Variants in FAM151B observed in about 807,000 individuals in gnomAD.
FAM151B encodes the protein family with sequence similarity 151 member B.
Under a neutral mutation model 31.2 loss-of-function variants are expected in FAM151B, and 24 were observed. The observed-to-expected ratio is 0.77, with a 90% CI of 0.56 to 1.08. The LOEUF (loss-of-function observed/expected upper bound fraction) is 1.08, where lower values mean the gene tolerates loss of function less well. Ranked by LOEUF, FAM151B falls within the 50% of genes least tolerant of loss-of-function variation. The pLI, the probability that FAM151B is intolerant of heterozygous loss-of-function variation, is 0.00. For synonymous variants in FAM151B, 105 were observed against 111.4 expected (o/e 0.94, Z 0.36); for missense variants, 293 against 328.6 (o/e 0.89, Z 0.84).
intron 1 of FAM151B, 84 bp downstream of exon 1, chr5:80,488,232 C>G: frequency 1.4e-6 from 2 of 1,467,120 alleles, no homozygotes; most frequent in East Asian, 5.2e-5. Flanking sequence ...TGCGGGCTCC[C>G]GCGGTCTTCC....
intron 1 of FAM151B, among the ~76,000 whole-genome samples, chr5:80,497,555 T>C (rs1743591089): frequency 6.6e-6 from 1 of 152,128 alleles, no homozygotes; most frequent in African/African-American, 2.4e-5. Flanking sequence ...CCTTAGATCA[T>C]AGGTAATTGG....
intron 5 of FAM151B, among the ~76,000 whole-genome samples, chr5:80,538,448 C>CTTTCTTTCTCTCTCTCTCTTTCTT (rs1235874356): frequency 2.0e-5 from 1 of 49,348 alleles, no homozygotes; most frequent in Non-Finnish European, 3.7e-5. Context: ...TTCTTTCTTT[C>CTTTCTTTCTCTCTCTCTCTTTCTT]TCTTTCTTTC....
intron 2 of FAM151B, among the ~76,000 whole-genome samples, chr5:80,512,458 A>G (rs1463993936): frequency 6.6e-6 from 1 of 152,082 alleles, no homozygotes; most frequent in Non-Finnish European, 1.5e-5. Flanking sequence ...CCATGTTTTC[A>G]TAGGTTTCTC....
intron 1 of FAM151B, among the ~76,000 whole-genome samples, chr5:80,496,238 C>A (rs903333331): frequency 6.6e-6 from 1 of 152,184 alleles, no homozygotes; most frequent in Non-Finnish European, 1.5e-5. Flanking sequence ...TCACAGCCAC[C>A]ACAGCCTTCA....
At chr5:80,498,056 C>G (rs1240096078) in intron 1 of FAM151B, among the ~76,000 whole-genome samples, 1 of 152,138 alleles carries the variant, frequency 6.6e-6, no homozygotes, top group Non-Finnish European at 1.5e-5. Context: ...TGGTGTATCT[C>G]AAAACCTTCA....
At chr5:80,535,947 A>G (rs549478535) in intron 5 of FAM151B, among the ~76,000 whole-genome samples, 2 of 152,302 alleles carry the variant, frequency 1.3e-5, no homozygotes, top group South Asian at 4.1e-4. Context: ...ACATTTCTTA[A>G]AAAAAGACAT....
chr5:80,490,225 A>T (rs978906371), intron 1 of FAM151B, among the ~76,000 whole-genome samples: 7 of 152,042 alleles, frequency 4.6e-5, no homozygotes, highest in African/African-American at 1.7e-4. Context: ...TATCTCTCCA[A>T]AAGAAAACAA....
At chr5:80,522,189 A>C (rs185788608) in intron 5 of FAM151B, 51 bp downstream of exon 5, 1 of 1,534,260 alleles carries the variant, frequency 6.5e-7, no homozygotes, top group East Asian at 2.3e-5. Flanking sequence ...AGAGACAGAG[A>C]TAGAAAGGGC....
chr5:80,489,500 C>T (rs998201579), intron 1 of FAM151B, among the ~76,000 whole-genome samples: 3 of 152,232 alleles, frequency 2.0e-5, no homozygotes, highest in Non-Finnish European at 4.4e-5. Flanking sequence ...TCAAGACTTA[C>T]ACCATTCTCA....
At chr5:80,511,304 TCTACTAAA>T in intron 2 of FAM151B, among the ~76,000 whole-genome samples, 1 of 152,030 alleles carries the variant, frequency 6.6e-6, no homozygotes, top group African/African-American at 2.4e-5. Context: ...AGACCTCATC[TCTACTAAA>T]AATTTAGAAA....
At position 80,538,504 on chromosome 5, in the gene FAM151B, TTTTC is replaced by T. The variant is rs1357633475; in HGVS notation, c.672-3160_672-3157del. Among the ~76,000 whole-genome samples, 36 of 103,096 alleles carry T rather than the reference TTTTC, an allele frequency of 3.5e-4. 3 individuals carry two copies. Among genetic ancestry groups the T allele is most frequent in the African/African-American group, 1.2e-3 (27 of 22,544 alleles). 67.6% of individuals were successfully genotyped at this position (103,096 alleles called of 152,430 possible). ...TTTCTTTCCTTCCTTCCTTCCTTTC[TTTTC>T]TTTCTTTCCTTCCTTCCTTCCTTCC... On this transcript the variant is annotated intron_variant, in intron 5 of 5. Transcript: ENST00000282226.
At position 80,494,443 on chromosome 5, in the gene FAM151B, TTTTCTTTCTTTCTTTTCTTTC is replaced by T. The variant is rs1436427232; in HGVS notation, c.25+6311_25+6331del. ...TTTCTTTCTTTCTGTCTTTCTTTCT[TTTTCTTTCTTTCTTTTCTTTC>T]TTTCTTTCTTTCTTTCTTTCTTTCT... is the stretch of plus-strand genomic sequence containing the variant. On this transcript the variant is annotated intron_variant, in intron 1 of 5. Coordinates refer to ENST00000282226, the MANE Select transcript of FAM151B (RefSeq NM_205548.3). 4.7e-5 allele frequency among the ~76,000 whole-genome samples: 4 copies of T among 84,390 alleles called. No homozygotes were observed. The Admixed American group carries it at 6.0e-4, about 13-fold the overall frequency. 55.4% of individuals were successfully genotyped at this position (84,390 alleles called of 152,430 possible).
intron 5 of FAM151B, among the ~76,000 whole-genome samples, chr5:80,539,899 A>T (rs1178444082): frequency 6.6e-6 from 1 of 151,926 alleles, no homozygotes; most frequent in East Asian, 1.9e-4. Flanking sequence ...CTTCACCCAG[A>T]TTCCCCAATT....
chr5:80,538,484 T>C (rs1490918176), intron 5 of FAM151B, among the ~76,000 whole-genome samples: 1 of 125,916 alleles, frequency 7.9e-6, no homozygotes, highest in African/African-American at 3.0e-5. Flanking sequence ...CTTTCTTTCT[T>C]TCCTTCCTTC....
chr5:80,501,664 C>A, intron 1 of FAM151B, 128 bp from the exon 2 acceptor site: 1 of 587,604 alleles, frequency 1.7e-6, no homozygotes, highest in Non-Finnish European at 2.9e-6. Flanking sequence ...TACTATCTAT[C>A]TATCTATCTA....
At chr5:80,533,005 A>G (rs1455427119) in intron 5 of FAM151B, among the ~76,000 whole-genome samples, 2 of 152,234 alleles carry the variant, frequency 1.3e-5, no homozygotes, top group Non-Finnish European at 2.9e-5. Context: ...AAGCCATACT[A>G]AGATGGAAGC....
chr5:80,502,003 C>A, intron 2 of FAM151B, 86 bp downstream of exon 2: 1 of 1,068,654 alleles, frequency 9.4e-7, no homozygotes. Context: ...TTTGCAGATA[C>A]TAGAGACAGG....
chr5:80,520,937 C>T lies in FAM151B; in HGVS notation c.535+1027C>T, dbSNP rs1269384853. Among the ~76,000 whole-genome samples, 4 of 149,190 alleles carry T rather than the reference C, an allele frequency of 2.7e-5. No homozygotes were observed. The East Asian group carries it at 6.0e-4, about 22-fold the overall frequency. On this transcript the variant is annotated intron_variant, in intron 4 of 5. Transcript: ENST00000282226. ...GTTCAAGTGATTCTCGTGCATCAAC[C>T]TCTTGAATAGCTGGGATTACAGGCG...
chr5:80,490,613 G>T (rs1743285126), intron 1 of FAM151B, among the ~76,000 whole-genome samples: 1 of 152,116 alleles, frequency 6.6e-6, no homozygotes, highest in Admixed American at 6.6e-5. Flanking sequence ...TCTATTTTCT[G>T]TCTCTATGAA....
Sources: allele counts gnomAD v4.1 joint callset (sites outside exome capture counted in the v4.1 genomes callset), GRCh38; gene constraint gnomAD v4.1.1; transcripts MANE v1.5; gene names NCBI Gene and HGNC (gene_info 2026-07-23, HGNC 2026-07-21).